PTGER3: variants seen among roughly 807,000 people sequenced by gnomAD.
PTGER3 encodes the protein prostaglandin E receptor 3, also known as prostaglandin E2 receptor EP3 subtype.
In PTGER3, 22 loss-of-function variants were observed where a neutral mutation model predicts 34.7. That is an observed-to-expected ratio of 0.63 (90% CI 0.45 to 0.91). The LOEUF (loss-of-function observed/expected upper bound fraction) is 0.91. PTGER3 is among the 40% of genes least tolerant of loss of function. The pLI is 0.00. For synonymous variants in PTGER3, 241 were observed against 230.1 expected, an observed-to-expected ratio of 1.05 and a Z score of -0.43; for missense variants, 468 against 519.4, an observed-to-expected ratio of 0.90 and a Z score of 0.96.
exon 4 of PTGER3, chr1:70,952,914 G>A: frequency 6.2e-7 from 1 of 1,606,954 alleles, no homozygotes; most frequent in Non-Finnish European, 8.5e-7. Context: ...ATGTTATTCT[G>A]TCTTTACTGT....
At chr1:70,852,630 T>C (rs1202729278) in exon 5 of PTGER3, 2 of 614,156 alleles carry the variant, frequency 3.3e-6, no homozygotes, top group Non-Finnish European at 5.8e-6. Context: ...ATAAGTTTAA[T>C]TGATGTATGT....
At chr1:71,040,202 A>G (rs189363691) in intron 1 of PTGER3, among the ~76,000 whole-genome samples, 2 of 152,142 alleles carry the variant, frequency 1.3e-5, no homozygotes, top group Non-Finnish European at 2.9e-5. Context: ...AAAGGAAAGG[A>G]AAGGAAGGGA....
In PTGER3 at chr1:70,971,479, A is replaced by G; in HGVS notation, c.*251T>C. 2.6e-6 allele frequency: 3 copies of G among 1,175,294 alleles called. No individual in the cohort carries two copies. The allele number at this position is 1,175,294 out of a possible 1,614,324, so 72.8% of individuals were successfully genotyped here. ...ACTTTTCCTCCAATCATCATCTGTG[A>G]AATTCTTCCCAACTTCTTAAATGCA... On this transcript the variant is annotated 3_prime_UTR_variant, in exon 4 of 4. Transcript: ENST00000306666.
At chr1:70,867,766 G>C (rs1016105029) in intron 4 of PTGER3, among the ~76,000 whole-genome samples, 1 of 152,050 alleles carries the variant, frequency 6.6e-6, no homozygotes, top group Non-Finnish European at 1.5e-5. Context: ...ATCCTGACAT[G>C]GTCAGTAAAT....
At chr1:70,883,194 T>A (rs543538378) in intron 4 of PTGER3, among the ~76,000 whole-genome samples, 1 of 152,346 alleles carries the variant, frequency 6.6e-6, no homozygotes, top group Admixed American at 6.5e-5. Context: ...AGTATTTTTA[T>A]GTTCCTGAGG....
intron 4 of PTGER3, among the ~76,000 whole-genome samples, chr1:70,935,661 A>C (rs1417250911): frequency 2.3e-5 from 2 of 86,454 alleles, no homozygotes; most frequent in Non-Finnish European, 4.4e-5. Context: ...GGTACTAAGG[A>C]TACAAATATA....
intron 2 of PTGER3, among the ~76,000 whole-genome samples, chr1:70,988,046 C>G (rs2100756604): frequency 6.6e-6 from 1 of 152,112 alleles, no homozygotes; most frequent in Non-Finnish European, 1.5e-5. Flanking sequence ...ACAGGAGTAT[C>G]AAAATAAAAA....
At chr1:70,949,584 C>G (rs1464137968), downstream of PTGER3, among the ~76,000 whole-genome samples, 1 of 152,086 alleles carries the variant, frequency 6.6e-6, no homozygotes, top group Non-Finnish European at 1.5e-5. Context: ...GTTTGGAAAG[C>G]AATGAAATGC....
intron 4 of PTGER3, among the ~76,000 whole-genome samples, chr1:70,917,546 A>T (rs576451220): frequency 7.0e-4 from 105 of 150,892 alleles, no homozygotes; most frequent in Non-Finnish European, 1.3e-3. Flanking sequence ...TGACATACTG[A>T]TTTCACTTTC....
At chr1:70,852,915 T>G (rs1389113701) in intron 4 of PTGER3, 9 of 1,562,380 alleles carry the variant, frequency 5.8e-6, no homozygotes, top group Non-Finnish European at 1.8e-6. Flanking sequence ...TGTTAATATC[T>G]TAAATAAAAA....
rs148537520 is a variant in PTGER3, at chr1:70,912,363, A to T, written c.*23+41400T>A. Among the ~76,000 whole-genome samples the T allele has an allele frequency of 3.9e-5, 6 of 152,222 alleles. No individual in the cohort carries two copies. In the East Asian group the frequency reaches 1.2e-3, roughly 29 times the overall value. On this transcript the variant is annotated intron_variant, in intron 4 of 4. Transcript: ENST00000370931. ...ACATAATCAACAGCTCATTTATTGAACTGGTTCAAGTGAAATTTCATATAT... is the reference window on the plus strand; with the variant it reads ...ACATAATCAACAGCTCATTTATTGATCTGGTTCAAGTGAAATTTCATATAT...
intron 4 of PTGER3, among the ~76,000 whole-genome samples, chr1:70,870,858 G>A (rs143519967): frequency 7.2e-5 from 11 of 152,148 alleles, no homozygotes; most frequent in South Asian, 4.2e-4. Flanking sequence ...TATCACTATC[G>A]GCATTTTGGT....
intron 1 of PTGER3, among the ~76,000 whole-genome samples, chr1:71,040,093 A>T (rs1660174156): frequency 6.6e-6 from 1 of 151,370 alleles, no homozygotes. Flanking sequence ...AGAAAGAAAG[A>T]AAGAAGGAAA....
chr1:70,904,822 G>A (rs1646911823), intron 4 of PTGER3, among the ~76,000 whole-genome samples: 1 of 152,212 alleles, frequency 6.6e-6, no homozygotes, highest in Admixed American at 6.5e-5. Flanking sequence ...AGAAATTCAA[G>A]TTGGCTGCAG....
intron 4 of PTGER3, among the ~76,000 whole-genome samples, chr1:70,878,361 C>T (rs1646317256): frequency 6.6e-6 from 1 of 151,838 alleles, no homozygotes; most frequent in African/African-American, 2.4e-5. Flanking sequence ...ATCTTCTTTC[C>T]TTTTTTCTTT....
At chr1:70,981,798 A>G (rs1235419171) in intron 2 of PTGER3, among the ~76,000 whole-genome samples, 1 of 152,050 alleles carries the variant, frequency 6.6e-6, no homozygotes, top group Non-Finnish European at 1.5e-5. Context: ...AACGTAAATA[A>G]CCAACCAATG....
intron 4 of PTGER3, among the ~76,000 whole-genome samples, chr1:70,913,344 T>C (rs1647102333): frequency 6.6e-6 from 1 of 152,026 alleles, no homozygotes; most frequent in Admixed American, 6.6e-5. Flanking sequence ...ATTTTAACCA[T>C]GTATTCTACA....
intron 1 of PTGER3, among the ~76,000 whole-genome samples, chr1:71,030,362 T>G (rs991777737): frequency 6.6e-6 from 1 of 152,212 alleles, no homozygotes; most frequent in Admixed American, 6.5e-5. Flanking sequence ...GAATCCCAAT[T>G]GCACTGTATC....
intron 2 of PTGER3, among the ~76,000 whole-genome samples, chr1:70,963,225 G>T (rs985954968): frequency 2.6e-5 from 4 of 152,162 alleles, no homozygotes; most frequent in African/African-American, 7.2e-5. Context: ...TCTCCTGACT[G>T]ATTTCATGGG....
Sources: allele counts gnomAD v4.1 joint callset (sites outside exome capture counted in the v4.1 genomes callset), GRCh38; gene constraint gnomAD v4.1.1; transcripts MANE v1.5; gene names NCBI Gene and HGNC (gene_info 2026-07-23, HGNC 2026-07-21).